Variants in ATP6V1B1 observed in about 807,000 individuals in gnomAD.
ATP6V1B1 encodes the protein V-type proton ATPase subunit B, kidney isoform.
Under a neutral mutation model 62.1 loss-of-function variants are expected in ATP6V1B1, and 41 were observed. That is an observed-to-expected ratio of 0.66 (90% CI 0.51 to 0.86). The LOEUF (loss-of-function observed/expected upper bound fraction) is 0.86, where lower values mean the gene tolerates loss of function less well. Among genes scored for constraint, ATP6V1B1 ranks in the 40% least tolerant of loss-of-function variants. ATP6V1B1 has a pLI of 0.00. For missense variants in ATP6V1B1, 651 were observed against 697.5 expected (o/e 0.93, Z 0.75); for synonymous variants, 253 against 273.4 (o/e 0.93, Z 0.74).
chr2:70,943,312 T>C (rs1680051640), intron 1 of ATP6V1B1: 3 of 491,306 alleles, frequency 6.1e-6, no homozygotes, highest in Non-Finnish European at 7.5e-6. Context: ...GGAAAATGCT[T>C]GGAGTGAGAG....
At chr2:70,958,236 G>T in intron 3 of ATP6V1B1, 92 bp downstream of exon 3, 1 of 1,583,184 alleles carries the variant, frequency 6.3e-7, no homozygotes, top group East Asian at 2.2e-5. Flanking sequence ...GGCAGGAAAT[G>T]GTCTATTTCC....
At position 70,962,838 on chromosome 2, in the gene ATP6V1B1, T is replaced by C. The variant is rs782041694; in HGVS notation, c.847T>C (p.Cys283Arg). The C allele has an allele frequency of 3.7e-6, 6 of 1,614,142 alleles. No individual in the cohort carries two copies. The Admixed American group carries it at 1.0e-4, about 27-fold the overall frequency. Residue 283 changes from cysteine to arginine, a missense_variant, in exon 9 of 14, where the codon TGT becomes CGT. Cys to Arg is a radical substitution (Grantham distance 180, BLOSUM62 -3). Coordinates refer to ENST00000234396, the MANE Select transcript of ATP6V1B1 (RefSeq NM_001692.4). ...CACTGCTGAATTCCTTGCCTACCAGTGTGAGAAGCATGTGCTGGTCATACT... is the reference window on the plus strand; with the variant it reads ...CACTGCTGAATTCCTTGCCTACCAGCGTGAGAAGCATGTGCTGGTCATACT... Reference protein sequence around the residue: ...LTTAEFLAYQCEKHVLVILTD... With the variant: ...LTTAEFLAYQREKHVLVILTD...
chr2:70,944,959 G>T (rs1680121296), intron 2 of ATP6V1B1, among the ~76,000 whole-genome samples: 3 of 152,104 alleles, frequency 2.0e-5, no homozygotes, highest in Admixed American at 2.0e-4. Flanking sequence ...GAGCCACCGT[G>T]CCCAGCTGCT....
chr2:70,945,067 A>G (rs1680123558), intron 2 of ATP6V1B1, among the ~76,000 whole-genome samples: 1 of 152,182 alleles, frequency 6.6e-6, no homozygotes, highest in African/African-American at 2.4e-5. Flanking sequence ...TAGTGTCTGC[A>G]TGGGGCTGCC....
Position 70,961,790 on chromosome 2 carries a change from CA to C in ATP6V1B1, c.785+98del, listed in dbSNP as rs1680594167. ...AGGGCTCCAGGGCATCCCAGAACTA[CA>C]GCCATACGCCAGAGCTGGGAGAACA... is the stretch of plus-strand genomic sequence containing the variant. On this transcript the variant is annotated intron_variant, in intron 8 of 13. Transcript: ENST00000234396. The C allele has an allele frequency of 3.4e-6, 4 of 1,171,632 alleles. No homozygotes were observed. In the Admixed American group the frequency reaches 7.1e-5, roughly 21 times the overall value. 72.6% of individuals were successfully genotyped at this position (1,171,632 alleles called of 1,614,324 possible).
chr2:70,955,174 G>T (rs1271124914), intron 2 of ATP6V1B1, among the ~76,000 whole-genome samples: 1 of 152,066 alleles, frequency 6.6e-6, no homozygotes, highest in South Asian at 2.1e-4. Context: ...GGTTTGGTTT[G>T]GTTTGGTTTT....
chr2:70,946,100 T>A (rs1407360311), intron 2 of ATP6V1B1, among the ~76,000 whole-genome samples: 1 of 152,064 alleles, frequency 6.6e-6, no homozygotes, highest in African/African-American at 2.4e-5. Flanking sequence ...ACACATAGGC[T>A]ATAGTAGGTG....
rs538795304 is a variant in ATP6V1B1 at position 70,958,435 on chromosome 2, C to G, written c.367+9C>G. Reference sequence around the variant, plus strand: ...GTCAGAGGACATGCTGGGTGAGGGACAGGGAGGGGCAGGGGTGGGGGTGCT... The same window carrying G: ...GTCAGAGGACATGCTGGGTGAGGGAGAGGGAGGGGCAGGGGTGGGGGTGCT... On this transcript the variant is annotated intron_variant, in intron 4 of 13. Transcript: ENST00000234396. The G allele has an allele frequency of 6.2e-7, 1 of 1,606,420 alleles. No homozygotes were observed. The highest frequency in any genetic ancestry group is 1.7e-5 in the Admixed American group (1 of 59,978).
intron 2 of ATP6V1B1, among the ~76,000 whole-genome samples, chr2:70,955,500 C>T (rs149469322): frequency 2.1e-3 from 327 of 152,270 alleles, no homozygotes; most frequent in Non-Finnish European, 3.5e-3. Flanking sequence ...CTCTCCCAGC[C>T]CCTGAGCACC....
chr2:70,961,448 C>A, intron 7 of ATP6V1B1, 148 bp from the exon 8 acceptor site: 1 of 805,624 alleles, frequency 1.2e-6, no homozygotes, highest in East Asian at 2.6e-5. Flanking sequence ...CTTTCCAGCC[C>A]CGGGGTCACC....
At chr2:70,953,470 A>G (rs2104819549) in intron 2 of ATP6V1B1, among the ~76,000 whole-genome samples, 1 of 152,254 alleles carries the variant, frequency 6.6e-6, no homozygotes, top group East Asian at 1.9e-4. Flanking sequence ...AGATTTTCTC[A>G]TATTAGACTA....
rs1161604514 is a variant in ATP6V1B1 at position 70,962,814 on chromosome 2, A to G, written c.823A>G (p.Thr275Ala). 3 of 1,614,110 alleles carry G rather than the reference A, an allele frequency of 1.9e-6. No individual in the cohort carries two copies. The highest frequency in any genetic ancestry group is 1.7e-6 in the Non-Finnish European group (2 of 1,180,008). ...RIITPRLALT[T>A]AEFLAYQCEK... ...CATCACCCCGCGCCTGGCGCTGACCACTGCTGAATTCCTTGCCTACCAGTG... is the reference window on the plus strand; with the variant it reads ...CATCACCCCGCGCCTGGCGCTGACCGCTGCTGAATTCCTTGCCTACCAGTG... Residue 275 changes from threonine (T) to alanine (A), a missense_variant, in exon 9 of 14, where the codon ACT (threonine) becomes GCT (alanine). Coordinates refer to ENST00000234396, the MANE Select transcript of ATP6V1B1 (RefSeq NM_001692.4).
At chr2:70,943,325 G>A (rs1680052193) in intron 1 of ATP6V1B1, 1 of 521,402 alleles carries the variant, frequency 1.9e-6, no homozygotes, top group South Asian at 2.0e-5. Flanking sequence ...AGTGAGAGAG[G>A]AGGGAGTGGG....
chr2:70,943,449 C>A, intron 1 of ATP6V1B1: 1 of 692,944 alleles, frequency 1.4e-6, no homozygotes, highest in South Asian at 1.5e-5. Context: ...CCCCAGCCTC[C>A]TGCAGGTGTC....
At chr2:70,960,592 G>T (rs1166396043) in intron 6 of ATP6V1B1, among the ~76,000 whole-genome samples, 1 of 152,152 alleles carries the variant, frequency 6.6e-6, no homozygotes. Flanking sequence ...CAGACTACAG[G>T]CCCAGGGCAA....
intron 1 of ATP6V1B1, chr2:70,940,629 G>C (rs782552992): frequency 2.0e-6 from 2 of 985,196 alleles, no homozygotes; most frequent in African/African-American, 1.7e-5. Context: ...ACCCTTTCTC[G>C]TTGAGGAGTC....
chr2:70,956,558 T>C (rs1487170765), intron 2 of ATP6V1B1, among the ~76,000 whole-genome samples: 6 of 152,228 alleles, frequency 3.9e-5, no homozygotes, highest in Non-Finnish European at 7.3e-5. Context: ...CCCAGCACTG[T>C]ATGAGCATTC....
chr2:70,964,915 GC>G, intron 13 of ATP6V1B1, 42 bp from the exon 14 acceptor site: 1 of 1,613,906 alleles, frequency 6.2e-7, no homozygotes, highest in Non-Finnish European at 8.5e-7. Context: ...CCCTCCTTCC[GC>G]CCCACACACA....
intron 2 of ATP6V1B1, among the ~76,000 whole-genome samples, chr2:70,954,088 T>C (rs1231192517): frequency 6.6e-6 from 1 of 152,200 alleles, no homozygotes; most frequent in Non-Finnish European, 1.5e-5. Context: ...ATTGGCTTTG[T>C]TGGTCTTCTC....
Sources: allele counts gnomAD v4.1 joint callset (sites outside exome capture counted in the v4.1 genomes callset), GRCh38; gene constraint gnomAD v4.1.1; transcripts MANE v1.5; gene names NCBI Gene and HGNC (gene_info 2026-07-23, HGNC 2026-07-21).